The following KHDRBS2 variants were observed in gnomAD, a reference collection of about 807,000 sequenced individuals.
KHDRBS2 encodes KH RNA binding domain containing, signal transduction associated 2, also known as KH domain-containing, RNA-binding, signal transduction-associated protein 2.
KHDRBS2 carries 26 observed loss-of-function variants against 44.3 expected under a neutral mutation model. The observed-to-expected ratio is 0.59, with a 90% CI of 0.43 to 0.81. The LOEUF is 0.81. Among genes scored for constraint, KHDRBS2 ranks in the 40% least tolerant of loss-of-function variants. The pLI is 0.00. For missense variants in KHDRBS2, 476 were observed against 433.1 expected (o/e 1.10, Z -0.88); for synonymous variants, 194 against 151.1 (o/e 1.28, Z -2.08).
At chr6:61,768,895 T>C (rs1397931230) in intron 6 of KHDRBS2, among the ~76,000 whole-genome samples, 1 of 152,138 alleles carries the variant, frequency 6.6e-6, no homozygotes, top group South Asian at 2.1e-4. Flanking sequence ...TGGTGGAGTG[T>C]TCTATTCAGT....
chr6:62,105,809 C>A (rs1803096560), intron 2 of KHDRBS2, among the ~76,000 whole-genome samples: 1 of 151,790 alleles, frequency 6.6e-6, no homozygotes, highest in Non-Finnish European at 1.5e-5. Flanking sequence ...TTATTTTTTG[C>A]CTTCTGCTAG....
the KHDRBS2 span, among the ~76,000 whole-genome samples, chr6:61,587,230 G>C: frequency 1.7e-4 from 26 of 152,244 alleles, no homozygotes; most frequent in South Asian, 5.4e-3. Context: ...ACTTCTTTTG[G>C]AGCTGCCAAT....
At chr6:61,599,015 C>A in the KHDRBS2 span, among the ~76,000 whole-genome samples, 6 of 151,932 alleles carry the variant, frequency 3.9e-5, no homozygotes, top group South Asian at 8.3e-4. Flanking sequence ...CTCACTGCAA[C>A]CTCCACCTCC....
chr6:62,272,864 T>C (rs1840304814), intron 1 of KHDRBS2, among the ~76,000 whole-genome samples: 1 of 152,132 alleles, frequency 6.6e-6, no homozygotes, highest in African/African-American at 2.4e-5. Flanking sequence ...AAGGTGGAAG[T>C]AGACAGGATG....
intron 2 of KHDRBS2, among the ~76,000 whole-genome samples, chr6:62,050,589 C>A (rs1316432857): frequency 1.3e-5 from 2 of 151,464 alleles, no homozygotes; most frequent in East Asian, 1.9e-4. Context: ...AATGGTAAAT[C>A]TCACACACAC....
chr6:62,049,370 T>TAA (rs1220659507), intron 2 of KHDRBS2, among the ~76,000 whole-genome samples: 5 of 151,898 alleles, frequency 3.3e-5, no homozygotes, highest in African/African-American at 1.2e-4. Context: ...AACCTTATTT[T>TAA]GAGATCGATC....
At chr6:62,197,170 T>C (rs1825878112) in intron 1 of KHDRBS2, among the ~76,000 whole-genome samples, 1 of 152,124 alleles carries the variant, frequency 6.6e-6, no homozygotes, top group South Asian at 2.1e-4. Context: ...CAAAAATGGG[T>C]ATTAAATTAT....
chr6:62,231,726 C>T (rs1296913218), intron 1 of KHDRBS2, among the ~76,000 whole-genome samples: 1 of 152,068 alleles, frequency 6.6e-6, no homozygotes, highest in Non-Finnish European at 1.5e-5. Context: ...GTTTAATTTC[C>T]AAAGAAGATC....
At chr6:62,106,669 T>C (rs890192898) in intron 2 of KHDRBS2, among the ~76,000 whole-genome samples, 3 of 152,152 alleles carry the variant, frequency 2.0e-5, no homozygotes, top group African/African-American at 7.2e-5. Context: ...ATATCCTTGA[T>C]GAACATTGAT....
intron 2 of KHDRBS2, among the ~76,000 whole-genome samples, chr6:62,063,125 A>T (rs149168591): frequency 0.76 from 65,057 of 85,812 alleles, 26,231 homozygotes; most frequent in Admixed American, 0.83. Context: ...TCTGAAATTG[A>T]GGCAATAATC....
chr6:61,939,071 C>A (rs1217205255), intron 4 of KHDRBS2, among the ~76,000 whole-genome samples: 1 of 152,054 alleles, frequency 6.6e-6, no homozygotes, highest in African/African-American at 2.4e-5. Flanking sequence ...TACCTAATGG[C>A]TAGAGGTAAA....
At chr6:61,786,079 A>G (rs1783760586) in intron 6 of KHDRBS2, among the ~76,000 whole-genome samples, 1 of 152,014 alleles carries the variant, frequency 6.6e-6, no homozygotes, top group South Asian at 2.1e-4. Context: ...CTGATACCTC[A>G]TGTAATCAGT....
intron 5 of KHDRBS2, among the ~76,000 whole-genome samples, chr6:61,896,459 G>A (rs1295404059): frequency 2.0e-5 from 3 of 151,746 alleles, no homozygotes; most frequent in Non-Finnish European, 4.4e-5. Context: ...ATTATATGAT[G>A]CTCATATCAA....
intron 3 of KHDRBS2, among the ~76,000 whole-genome samples, chr6:62,000,102 C>T (rs1236823472): frequency 2.0e-5 from 3 of 152,044 alleles, no homozygotes; most frequent in African/African-American, 7.2e-5. Flanking sequence ...GGCCCTCATA[C>T]AGACTACCAC....
intron 6 of KHDRBS2, among the ~76,000 whole-genome samples, chr6:61,794,792 A>T (rs1040291663): frequency 6.6e-6 from 1 of 152,086 alleles, no homozygotes; most frequent in Admixed American, 6.6e-5. Flanking sequence ...TCCCTCAATA[A>T]TGCTTAGTCA....
At chr6:62,083,589 T>C (rs78947418) in intron 2 of KHDRBS2, among the ~76,000 whole-genome samples, 1,637 of 152,234 alleles carry the variant, frequency 0.011, 13 homozygotes, top group Non-Finnish European at 0.017. Flanking sequence ...CCCTAGACTC[T>C]GTTGCAGGCC....
chr6:61,574,460 A>C, the KHDRBS2 span: 1 of 1,351,598 alleles, frequency 7.4e-7, no homozygotes, highest in Non-Finnish European at 1.0e-6. Context: ...ACAACACCCA[A>C]TAAGCCCACA....
intron 2 of KHDRBS2, among the ~76,000 whole-genome samples, chr6:62,114,681 T>G (rs1010317946): frequency 7.9e-5 from 12 of 151,798 alleles, no homozygotes; most frequent in African/African-American, 2.4e-4. Flanking sequence ...CCAAGTACTT[T>G]ACATATACTA....
chr6:62,240,693 TA>T (rs1299761091), intron 1 of KHDRBS2, among the ~76,000 whole-genome samples: 1 of 127,956 alleles, frequency 7.8e-6, no homozygotes, highest in African/African-American at 3.0e-5. Flanking sequence ...TATATATATA[TA>T]TATATATATA....
Sources: gnomAD v4.1 joint callset for allele counts (sites outside exome capture counted in the v4.1 genomes callset) on GRCh38, gnomAD v4.1.1 for gene constraint, MANE v1.5 for transcripts, NCBI Gene and HGNC (gene_info 2026-07-23, HGNC 2026-07-21) for gene names.